The following MYO5C variants were observed in gnomAD, a reference collection of about 807,000 sequenced individuals.
MYO5C encodes the protein unconventional myosin-Vc.
A neutral mutation model predicts 235.7 loss-of-function variants in MYO5C; 194 were observed. That is an observed-to-expected ratio of 0.82 (90% CI 0.73 to 0.93). MYO5C has a LOEUF of 0.93. Ranked by LOEUF, MYO5C falls within the 40% of genes least tolerant of loss-of-function variation. The pLI, the probability that MYO5C is intolerant of heterozygous loss-of-function variation, is 0.00. For synonymous variants in MYO5C, 707 were observed against 754.8 expected (o/e 0.94, Z 1.04); for missense variants, 2,038 against 2,127.2 (o/e 0.96, Z 0.82).
rs926393877 is a variant in MYO5C at position 52,250,242 on chromosome 15, C to CTTTTTT, written c.1662+1147_1662+1148insAAAAAA. On this transcript the variant is annotated intron_variant, in intron 13 of 40. Transcript: ENST00000261839. ...AAACTTATCTTTTTTTTTTCTTTTT[C>CTTTTTT]TTTTTCTTTTTTTTTTTTGAGACAG... Among the ~76,000 whole-genome samples the CTTTTTT allele has an allele frequency of 8.2e-5, 7 of 85,678 alleles. 1 individual carries two copies. The highest frequency in any genetic ancestry group is 8.3e-5 in the Non-Finnish European group (4 of 48,124). The allele number at this position is 85,678 out of a possible 152,430, so 56.2% of individuals were successfully genotyped here.
In MYO5C at chr15:52,295,803, G is replaced by C; in HGVS notation, c.-167C>G. 4 of 472,576 alleles carry C rather than the reference G, an allele frequency of 8.5e-6. No homozygotes were observed. Among genetic ancestry groups the C allele is most frequent in the Non-Finnish European group, 1.1e-5 (3 of 275,402 alleles). The allele number at this position is 472,576 out of a possible 1,614,324, so 29.3% of individuals were successfully genotyped here. A position where few individuals can be genotyped will look rare whatever the true frequency, so the allele number is the denominator to read the frequency against. On this transcript the variant is annotated 5_prime_UTR_variant, in exon 1 of 41. Transcript: ENST00000261839. ...TCCTGTTCCCGTTCCCGAGTTGGCG[G>C]CGAGGGGAGGGGGCAGCGGCGGGAT...
intron 11 of MYO5C, among the ~76,000 whole-genome samples, chr15:52,256,290 T>TAAGGCAGAGAAAGCAGCAAGTGCA (rs2036575849): frequency 1.3e-5 from 2 of 152,042 alleles, no homozygotes; most frequent in African/African-American, 4.8e-5. Flanking sequence ...GCACGTGGGT[T>TAAGGCAGAGAAAGCAGCAAGTGCA]AAGGCAGAGA....
At position 52,261,026 on chromosome 15, in the gene MYO5C, C is replaced by T; in HGVS notation, c.1149G>A (p.Glu383=). 1 of 1,614,240 alleles carries T rather than the reference C, an allele frequency of 6.2e-7. No individual in the cohort carries two copies. Among genetic ancestry groups the T allele is most frequent in the Non-Finnish European group, 8.5e-7 (1 of 1,180,042 alleles). Residue 383 remains glutamate (E), a synonymous_variant, in exon 10 of 41, where the codon GAG becomes GAA. Transcript: ENST00000261839. ...LCNRKIVTSS[E]TVVKPMTRPQ... is the part of the protein sequence containing the mutation. Reference sequence around the variant, plus strand: ...GCCTGGTCATGGGTTTTACCACCGTCTCAGAGCTTGTGACGATTTTGCGAT... The same window carrying T: ...GCCTGGTCATGGGTTTTACCACCGTTTCAGAGCTTGTGACGATTTTGCGAT...
At chr15:52,254,391 T>C (rs1392894024) in intron 11 of MYO5C, among the ~76,000 whole-genome samples, 2 of 152,142 alleles carry the variant, frequency 1.3e-5, no homozygotes, top group Middle Eastern at 6.8e-3. Context: ...GCTCAGGACA[T>C]GGGGTCCATG....
At position 52,271,782 on chromosome 15, in the gene MYO5C, T is replaced by C. The variant is rs1209248500; in HGVS notation, c.813A>G (p.Glu271=). The C allele has an allele frequency of 1.9e-6, 3 of 1,564,662 alleles. No homozygotes were observed. The highest frequency in any genetic ancestry group is 1.7e-5 in the Admixed American group (1 of 58,168). The stretch of plus-strand genomic sequence containing the variant: ...ACATACCCAATTTAAGATGTTTAAA[T>C]TCCGACTGCTGTGCAGATGCACAAA... The part of the protein sequence containing the change: ...YQLCASAQQS[E]FKHLKLGSAE... The change falls in exon 7 of 41, where the codon GAA becomes GAG. Residue 271 remains glutamate, a synonymous_variant. Coordinates refer to ENST00000261839, the MANE Select transcript of MYO5C (RefSeq NM_018728.4).
chr15:52,278,825 AG>A, intron 4 of MYO5C, 47 bp downstream of exon 4: 2 of 1,602,940 alleles, frequency 1.2e-6, no homozygotes, highest in Non-Finnish European at 1.7e-6. Context: ...TGGCAAATGC[AG>A]GGAGCATTGG....
intron 38 of MYO5C, among the ~76,000 whole-genome samples, chr15:52,199,720 C>T (rs947144091): frequency 1.3e-5 from 2 of 152,084 alleles, no homozygotes; most frequent in Admixed American, 1.3e-4. Context: ...AATCCCATGT[C>T]GACAGCAGTG....
At chr15:52,258,860 T>C (rs1270066268) in intron 10 of MYO5C, among the ~76,000 whole-genome samples, 1 of 152,178 alleles carries the variant, frequency 6.6e-6, no homozygotes, top group East Asian at 1.9e-4. Context: ...GCTGAAAAAT[T>C]CAAATTCCTT....
In MYO5C at chr15:52,195,456, A is replaced by T. The variant is rs1344141634; in HGVS notation, c.4997T>A (p.Ile1666Asn). 6.2e-7 allele frequency: 1 copy of T among 1,604,866 alleles called. No homozygotes were observed. Among genetic ancestry groups the T allele is most frequent in the Non-Finnish European group, 8.5e-7 (1 of 1,172,976 alleles). The change falls in exon 40 of 41, where the codon ATC becomes AAC. Residue 1666 changes from isoleucine to asparagine, a missense_variant and splice_region_variant. Transcript: ENST00000261839. ...ERCTSLSAVQ[I>N]IKILNSYTPI... ...TGTGTATGAATTAAGGATCTTTATG[A>T]TCTGCAAACGGTACATAACATGGTG...
intron 7 of MYO5C, among the ~76,000 whole-genome samples, chr15:52,270,384 G>A (rs541370908): frequency 6.6e-6 from 1 of 152,236 alleles, no homozygotes; most frequent in African/African-American, 2.4e-5. Flanking sequence ...TGGCACACAA[G>A]AATTTAAATG....
intron 23 of MYO5C, 137 bp from the exon 24 acceptor site, chr15:52,232,822 G>T (rs1368518970): frequency 2.9e-6 from 2 of 695,786 alleles, no homozygotes; most frequent in Non-Finnish European, 4.9e-6. Context: ...TGAGAGTATA[G>T]CTCATTTTTT....
chr15:52,292,755 G>A (rs2037418881), intron 1 of MYO5C, among the ~76,000 whole-genome samples: 2 of 152,274 alleles, frequency 1.3e-5, no homozygotes, highest in South Asian at 2.1e-4. Context: ...AAGGCACCGT[G>A]TGGAGGGGCT....
Position 52,279,501 on chromosome 15 carries a change from C to T in MYO5C, c.304+8G>A, listed in dbSNP as rs1398470834. ...CCATTCCTTACTTCCTAGAATTGCT[C>T]TCCTTACCACTGTAGGTGTAAATGA... On this transcript the variant is annotated splice_region_variant and intron_variant, in intron 3 of 40. Transcript: ENST00000261839. The T allele has an allele frequency of 6.2e-7, 1 of 1,604,712 alleles. No individual in the cohort carries two copies. The highest frequency in any genetic ancestry group is 8.5e-7 in the Non-Finnish European group (1 of 1,172,148).
chr15:52,285,787 C>A (rs1198188899), intron 1 of MYO5C, among the ~76,000 whole-genome samples: 1 of 152,218 alleles, frequency 6.6e-6, no homozygotes. Flanking sequence ...GGTGCCCAGG[C>A]TGGAGTGCAG....
At chr15:52,208,513 G>A (rs1310045047) in intron 36 of MYO5C, 41 bp downstream of exon 36, 1 of 1,580,796 alleles carries the variant, frequency 6.3e-7, no homozygotes, top group Non-Finnish European at 8.7e-7. Flanking sequence ...GTTATAGACT[G>A]GCTGTCAGCA....
intron 21 of MYO5C, among the ~76,000 whole-genome samples, chr15:52,237,923 C>T (rs554882871): frequency 6.6e-6 from 1 of 151,618 alleles, no homozygotes; most frequent in Non-Finnish European, 1.5e-5. Context: ...AACTGTGCCC[C>T]CCGCCAAAAT....
intron 1 of MYO5C, among the ~76,000 whole-genome samples, chr15:52,291,729 A>ATTTTTTTTTTTTTTTTTTTTTTTTTT (rs1317823747): frequency 2.1e-5 from 1 of 46,728 alleles, no homozygotes; most frequent in Non-Finnish European, 4.5e-5. Context: ...TGCATATTTT[A>ATTTTTTTTTTTTTTTTTTTTTTTTTT]TGTTTTTTTT....
chr15:52,252,011 A>C (rs2141335223), intron 12 of MYO5C, among the ~76,000 whole-genome samples: 1 of 152,248 alleles, frequency 6.6e-6, no homozygotes, highest in South Asian at 2.1e-4. Flanking sequence ...TTTATCCTTG[A>C]TCTTAATCTT....
At chr15:52,236,290 G>A (rs1357803567) in intron 22 of MYO5C, among the ~76,000 whole-genome samples, 1 of 152,244 alleles carries the variant, frequency 6.6e-6, no homozygotes, top group African/African-American at 2.4e-5. Flanking sequence ...CACGGCAGCA[G>A]TGTTGGTGCA....
Sources: gnomAD v4.1 joint callset for allele counts (sites outside exome capture counted in the v4.1 genomes callset) on GRCh38, gnomAD v4.1.1 for gene constraint, MANE v1.5 for transcripts, NCBI Gene and HGNC (gene_info 2026-07-23, HGNC 2026-07-21) for gene names.